The following DYRK1A variants were observed in gnomAD, a reference collection of about 807,000 sequenced individuals.
The protein encoded by DYRK1A is dual specificity tyrosine-phosphorylation-regulated kinase 1A.
Under a neutral mutation model 79.7 loss-of-function variants are expected in DYRK1A, and 9 were observed. The ratio of observed to expected loss-of-function variants is 0.11; its 90% confidence interval spans 0.07 to 0.20. DYRK1A has a LOEUF of 0.20. Ranked by LOEUF, DYRK1A falls within the 10% of genes least tolerant of loss-of-function variation. The pLI, the probability that DYRK1A is intolerant of heterozygous loss-of-function variation, is 1.00. For synonymous variants in DYRK1A, 349 were observed against 329.7 expected, an observed-to-expected ratio of 1.06 and a Z score of -0.63; for missense variants, 622 against 956.0, an observed-to-expected ratio of 0.65 and a Z score of 4.61.
rs60091331 is a variant in DYRK1A at position 37,401,482 on chromosome 21, C to CTTT, written c.-76-18804_-76-18802dup. Among the ~76,000 whole-genome samples, 63 of 137,498 alleles carry CTTT rather than the reference C, an allele frequency of 4.6e-4. 2 individuals carry two copies. Among genetic ancestry groups the CTTT allele is most frequent in the Admixed American group, 5.9e-4 (8 of 13,662 alleles). The allele number at this position is 137,498 out of a possible 152,430, so 90.2% of individuals were successfully genotyped here. A position where few individuals can be genotyped will look rare whatever the true frequency, so the allele number is the denominator to read the frequency against. ...CAGATAGTCTTGTTATTTCTAGTTC[C>CTTT]TTTTTTTTTTTTTTTGGGAGACAGA... is the stretch of plus-strand genomic sequence containing the variant. On this transcript the variant is annotated intron_variant, in intron 1 of 11. Transcript: ENST00000647188.
At chr21:37,416,727 CTGT>C (rs2050349641) in intron 1 of DYRK1A, among the ~76,000 whole-genome samples, 1 of 151,884 alleles carries the variant, frequency 6.6e-6, no homozygotes, top group African/African-American at 2.4e-5. Flanking sequence ...TTCTTGATTT[CTGT>C]TTTGTAGCTT....
At chr21:37,401,713 C>T (rs554529939) in intron 1 of DYRK1A, among the ~76,000 whole-genome samples, 24 of 152,204 alleles carry the variant, frequency 1.6e-4, no homozygotes, top group African/African-American at 5.8e-4. Context: ...GAACTCCTGA[C>T]CTCAGGTGAT....
chr21:37,389,874 C>G lies in DYRK1A; in HGVS notation c.-77+22246C>G, dbSNP rs1465917252. Among the ~76,000 whole-genome samples the G allele has an allele frequency of 2.0e-5, 3 of 150,708 alleles. No homozygotes were observed. In the East Asian group the frequency reaches 5.9e-4, roughly 29 times the overall value. Reference sequence around the variant, plus strand: ...GAAGGGCTGGCATGCACAGTTCTGTCTAAACACTTTTGCTCACTTCTGTAG... The same window carrying G: ...GAAGGGCTGGCATGCACAGTTCTGTGTAAACACTTTTGCTCACTTCTGTAG... On this transcript the variant is annotated intron_variant, in intron 1 of 11. Coordinates refer to ENST00000647188, the MANE Select transcript of DYRK1A (RefSeq NM_001347721.2).
At chr21:37,466,803 T>A (rs7279050) in intron 2 of DYRK1A, among the ~76,000 whole-genome samples, 66,834 of 150,682 alleles carry the variant, frequency 0.44, 15,503 homozygotes, top group East Asian at 0.58. Flanking sequence ...GACCAAAATT[T>A]AAAAAAAAAT....
At chr21:37,379,907 C>G (rs1368540930) in intron 1 of DYRK1A, among the ~76,000 whole-genome samples, 4 of 152,168 alleles carry the variant, frequency 2.6e-5, no homozygotes, top group African/African-American at 9.7e-5. Flanking sequence ...GCCTGGGAAT[C>G]AGTGCTGAAA....
At chr21:37,489,180 A>T (rs960126764) in intron 6 of DYRK1A, among the ~76,000 whole-genome samples, 2 of 152,178 alleles carry the variant, frequency 1.3e-5, no homozygotes, top group African/African-American at 2.4e-5. Flanking sequence ...AGTTTATTCC[A>T]GATAGATCTG....
intron 1 of DYRK1A, among the ~76,000 whole-genome samples, chr21:37,398,813 G>A (rs1239840303): frequency 6.6e-6 from 1 of 152,052 alleles, no homozygotes; most frequent in African/African-American, 2.4e-5. Flanking sequence ...AACAGGACAG[G>A]TTGTGAATAT....
At position 37,520,598 on chromosome 21, in the gene DYRK1A, A is replaced by G. The variant is rs1456617076; in HGVS notation, c.*8067A>G. On this transcript the variant is annotated 3_prime_UTR_variant, in exon 12 of 12. Transcript: ENST00000647188. The stretch of plus-strand genomic sequence containing the variant: ...TTGCATTAGACTATACATGATTTGC[A>G]TTACAATGGGCCGTGGATTTGGATG... The G allele has an allele frequency of 1.3e-5, 2 of 152,242 alleles. No homozygotes were observed. The highest frequency in any genetic ancestry group is 1.5e-5 in the Non-Finnish European group (1 of 68,058). The allele number at this position is 152,242 out of a possible 1,614,324, so 9.4% of individuals were successfully genotyped here.
intron 2 of DYRK1A, among the ~76,000 whole-genome samples, chr21:37,465,604 A>G (rs1335774761): frequency 6.6e-6 from 1 of 152,166 alleles, no homozygotes; most frequent in Non-Finnish European, 1.5e-5. Context: ...TGGGAGGCCA[A>G]AGTGAGTGGA....
chr21:37,382,590 A>G (rs570659819), intron 1 of DYRK1A, among the ~76,000 whole-genome samples: 21 of 152,278 alleles, frequency 1.4e-4, no homozygotes, highest in African/African-American at 4.8e-4. Context: ...TTGGATCTTC[A>G]ACCTTTTGGC....
chr21:37,431,439 A>G (rs1329837315), intron 2 of DYRK1A, among the ~76,000 whole-genome samples: 4 of 152,178 alleles, frequency 2.6e-5, no homozygotes, highest in Non-Finnish European at 5.9e-5. Flanking sequence ...ATTGGAGATG[A>G]GGCTCTATTG....
chr21:37,477,282 A>T (rs966353550), intron 3 of DYRK1A, among the ~76,000 whole-genome samples: 11 of 152,202 alleles, frequency 7.2e-5, no homozygotes, highest in Admixed American at 5.9e-4. Flanking sequence ...GGGCAGGAAC[A>T]CAAAGATGGG....
chr21:37,464,491 A>G (rs2051958567), intron 2 of DYRK1A, among the ~76,000 whole-genome samples: 1 of 152,224 alleles, frequency 6.6e-6, no homozygotes, highest in Non-Finnish European at 1.5e-5. Context: ...ATTTTCTCCA[A>G]CATGCTTTCC....
rs149940079 is a variant in DYRK1A, at chr21:37,432,752, A to C, written c.10+12368A>C. On this transcript the variant is annotated intron_variant, in intron 2 of 11. Transcript: ENST00000647188. ...CCGTGTCTCAAGCATCATTAACTGC[A>C]GATAAAAAAAAGTTAACAGTTATTC... Among the ~76,000 whole-genome samples, 1,291 of 152,254 alleles carry C rather than the reference A, an allele frequency of 8.5e-3. 13 individuals are homozygous for C. Among genetic ancestry groups the C allele is most frequent in the South Asian group, 0.019 (92 of 4,832 alleles).
At chr21:37,464,468 C>G (rs534380956) in intron 2 of DYRK1A, among the ~76,000 whole-genome samples, 56 of 152,310 alleles carry the variant, frequency 3.7e-4, no homozygotes, top group Non-Finnish European at 6.2e-4. Flanking sequence ...AAAGACAGAA[C>G]TCCACATGCA....
At chr21:37,378,468 G>T (rs181188573) in intron 1 of DYRK1A, among the ~76,000 whole-genome samples, 1 of 152,238 alleles carries the variant, frequency 6.6e-6, no homozygotes, top group Non-Finnish European at 1.5e-5. Flanking sequence ...GGAGGCGGAC[G>T]TGGTGGTGAG....
Position 37,505,605 on chromosome 21 carries a change from G to A in DYRK1A, c.1519+16G>A, listed in dbSNP as rs1430139182. On this transcript the variant is annotated intron_variant, in intron 10 of 11. Coordinates refer to ENST00000647188, the MANE Select transcript of DYRK1A (RefSeq NM_001347721.2). Reference sequence around the variant, plus strand: ...TCAAGCTCAGGTCTGTGCTGCTGCGGTTAGATTAGGCTTGGGAATGTTTTG... The same window carrying A: ...TCAAGCTCAGGTCTGTGCTGCTGCGATTAGATTAGGCTTGGGAATGTTTTG... The A allele has an allele frequency of 2.5e-6, 4 of 1,570,704 alleles. No homozygotes were observed. The highest frequency in any genetic ancestry group is 4.5e-5 in the East Asian group (2 of 44,446).
intron 1 of DYRK1A, among the ~76,000 whole-genome samples, chr21:37,399,621 C>G (rs143515990): frequency 7.9e-4 from 120 of 152,270 alleles, no homozygotes; most frequent in African/African-American, 2.5e-3. Context: ...TGACAACTTT[C>G]TAGACAGGTA....
chr21:37,507,055 C>A (rs893729595), intron 11 of DYRK1A, among the ~76,000 whole-genome samples: 2 of 142,436 alleles, frequency 1.4e-5, no homozygotes, highest in Non-Finnish European at 3.1e-5. Flanking sequence ...AACTTTTCTA[C>A]TCTTAGAAAC....
Sources: gnomAD v4.1 joint callset for allele counts (sites outside exome capture counted in the v4.1 genomes callset) on GRCh38, gnomAD v4.1.1 for gene constraint, MANE v1.5 for transcripts, NCBI Gene and HGNC (gene_info 2026-07-23, HGNC 2026-07-21) for gene names.